The following PAX3 variants were observed in gnomAD, a reference collection of about 807,000 sequenced individuals.
PAX3 encodes paired box protein Pax-3.
Under a neutral mutation model 51.6 loss-of-function variants are expected in PAX3, and 14 were observed. That is an observed-to-expected ratio of 0.27 (90% CI 0.18 to 0.42). PAX3 has a LOEUF of 0.42. Among genes scored for constraint, PAX3 ranks in the 10% least tolerant of loss-of-function variants. The pLI is 1.00. For synonymous variants in PAX3, 280 were observed against 253.4 expected (o/e 1.11, Z -1.00); for missense variants, 540 against 642.8 (o/e 0.84, Z 1.73).
At chr2:222,298,140 G>T in intron 1 of PAX3, 1 of 245,286 alleles carries the variant, frequency 4.1e-6, no homozygotes, top group Non-Finnish European at 8.0e-6. Flanking sequence ...ACTAACATAT[G>T]TTTCACAAGT....
chr2:222,253,074 CAG>C (rs1442919679), intron 4 of PAX3, among the ~76,000 whole-genome samples: 1 of 152,150 alleles, frequency 6.6e-6, no homozygotes, highest in Non-Finnish European at 1.5e-5. Context: ...TGGCCACCAC[CAG>C]AGCAGCAAGC....
At chr2:222,242,811 C>T (rs1693066753) in intron 4 of PAX3, 2 of 152,118 alleles carry the variant, frequency 1.3e-5, no homozygotes, top group Non-Finnish European at 2.9e-5. Context: ...AAATCTAAAC[C>T]TTAGCTATAT....
intron 7 of PAX3, among the ~76,000 whole-genome samples, chr2:222,208,015 A>G (rs1042469798): frequency 2.0e-5 from 3 of 151,598 alleles, no homozygotes; most frequent in African/African-American, 4.8e-5. Flanking sequence ...ATATATATAT[A>G]TATATAACTT....
intron 7 of PAX3, among the ~76,000 whole-genome samples, chr2:222,212,913 C>T (rs984461836): frequency 6.6e-6 from 1 of 152,104 alleles, no homozygotes; most frequent in Admixed American, 6.6e-5. Context: ...ATCCTAGTTG[C>T]TTAGTTATAG....
intron 4 of PAX3, among the ~76,000 whole-genome samples, chr2:222,235,597 T>C (rs1384102113): frequency 2.1e-5 from 3 of 145,346 alleles, no homozygotes; most frequent in Admixed American, 7.0e-5. Flanking sequence ...AAAACTAGCA[T>C]AGCTAGTAAT....
In PAX3 at chr2:222,202,080, G is replaced by A; in HGVS notation, c.1284C>T (p.Ser428=). ...TCATATGGTCTAGTCTCTGACTGCAGCTGGCCGACACCGTGGTGGTAGGTT... is the reference window on the plus strand; with the variant it reads ...TCATATGGTCTAGTCTCTGACTGCAACTGGCCGACACCGTGGTGGTAGGTT... ...GLEPTTTVSA[S]CSQRLDHMKS... is the part of the protein sequence containing the mutation. Residue 428 remains serine (S), a synonymous_variant, in exon 8 of 9, where the codon AGC becomes AGT. Coordinates refer to ENST00000392070, the MANE Select transcript of PAX3 (RefSeq NM_181458.4). 1 of 1,614,060 alleles carries A rather than the reference G, an allele frequency of 6.2e-7. No homozygotes were observed. Among genetic ancestry groups the A allele is most frequent in the South Asian group, 1.1e-5 (1 of 91,078 alleles).
rs1395585771 is a variant in PAX3 at position 222,220,321 on chromosome 2, G to C, written c.992C>G (p.Pro331Arg). The C allele has an allele frequency of 1.9e-6, 3 of 1,613,946 alleles. No individual in the cohort carries two copies. The Admixed American group carries it at 5.0e-5, about 27-fold the overall frequency. The change falls in exon 7 of 9, where the codon CCT (proline) becomes CGT (arginine). Residue 331 changes from proline to arginine, a missense_variant. Pro to Arg is a moderately radical substitution (Grantham distance 103). This residue lies in a region of PAX3 where 427 missense variants were observed against 483.6 expected (regional missense o/e 0.88). Coordinates refer to ENST00000392070, the MANE Select transcript of PAX3 (RefSeq NM_181458.4). Reference sequence around the variant, plus strand: ...TACAGTGCTTGGAGGAAGCGGTTGAGGTCTGTGAACGGTGCTGCTGGGATC... The same window carrying C: ...TACAGTGCTTGGAGGAAGCGGTTGACGTCTGTGAACGGTGCTGCTGGGATC... ...VSDPSSTVHR[P>R]QPLPPSTVHQ...
Position 222,200,833 on chromosome 2 carries a change from G to A in PAX3, c.*575C>T. The A allele has an allele frequency of 2.7e-6, 1 of 371,562 alleles. No individual in the cohort carries two copies. Among genetic ancestry groups the A allele is most frequent in the East Asian group, 4.4e-5 (1 of 22,472 alleles). The allele number at this position is 371,562 out of a possible 1,614,324, so 23.0% of individuals were successfully genotyped here. On this transcript the variant is annotated 3_prime_UTR_variant, in exon 9 of 9. Coordinates refer to ENST00000392070, the MANE Select transcript of PAX3 (RefSeq NM_181458.4). ...TAGGAGGTCCTTTACAGCTAGTCTA[G>A]CTTCCTAAAAATGGTTGCATTTATC...
intron 2 of PAX3, 145 bp downstream of exon 2, chr2:222,296,833 C>T: frequency 1.4e-6 from 1 of 712,012 alleles, no homozygotes; most frequent in Admixed American, 2.0e-5. Flanking sequence ...CGTACACACA[C>T]ACACGCGCGC....
At chr2:222,263,078 A>C (rs1693925211) in intron 4 of PAX3, 1 of 152,230 alleles carries the variant, frequency 6.6e-6, no homozygotes, top group Non-Finnish European at 1.5e-5. Context: ...TGTGATGCTT[A>C]AAAGCACAAC....
At position 222,201,288 on chromosome 2, in the gene PAX3, C is replaced by A. The variant is rs1365134221; in HGVS notation, c.*120G>T. The A allele has an allele frequency of 1.2e-6, 2 of 1,610,484 alleles. No homozygotes were observed. Among genetic ancestry groups the A allele is most frequent in the Non-Finnish European group, 1.7e-6 (2 of 1,179,864 alleles). On this transcript the variant is annotated 3_prime_UTR_variant, in exon 9 of 9. Transcript: ENST00000392070. ...CACTCTCCTTTGTCTCCTATTGGGA[C>A]CACTGCCCCACCCCCCCCAACAAAA...
intron 4 of PAX3, among the ~76,000 whole-genome samples, chr2:222,244,587 C>G (rs937766289): frequency 3.9e-5 from 6 of 152,102 alleles, no homozygotes; most frequent in Admixed American, 3.9e-4. Flanking sequence ...ATGTTCCCTA[C>G]ATCCTAAGAC....
At chr2:222,235,530 T>A (rs1401749488) in intron 4 of PAX3, among the ~76,000 whole-genome samples, 1 of 152,196 alleles carries the variant, frequency 6.6e-6, no homozygotes, top group African/African-American at 2.4e-5. Flanking sequence ...TATACCTGCA[T>A]TGTTTGGAAG....
intron 7 of PAX3, among the ~76,000 whole-genome samples, chr2:222,204,068 T>G (rs931288968): frequency 1.3e-5 from 2 of 152,162 alleles, no homozygotes; most frequent in African/African-American, 4.8e-5. Flanking sequence ...TAAAACATCC[T>G]TTTTTACAAT....
intron 1 of PAX3, 67 bp from the exon 2 acceptor site, chr2:222,297,280 C>T: frequency 1.6e-6 from 2 of 1,242,768 alleles, no homozygotes; most frequent in Non-Finnish European, 2.3e-6. Flanking sequence ...CAAAGAACAG[C>T]AGCACGTAAT....
intron 4 of PAX3, among the ~76,000 whole-genome samples, chr2:222,272,298 C>T (rs994339707): frequency 8.5e-5 from 13 of 152,188 alleles, no homozygotes; most frequent in African/African-American, 2.9e-4. Context: ...TTCTCCCAAG[C>T]ACCAGCATGT....
intron 5 of PAX3, chr2:222,221,779 T>C (rs1010671963): frequency 6.6e-5 from 15 of 227,998 alleles, no homozygotes; most frequent in Non-Finnish European, 1.1e-4. Context: ...ATGTCCTAAA[T>C]GTGGCCTTGC....
At chr2:222,243,086 A>G (rs552768342) in intron 4 of PAX3, among the ~76,000 whole-genome samples, 2 of 152,228 alleles carry the variant, frequency 1.3e-5, no homozygotes, top group Non-Finnish European at 2.9e-5. Flanking sequence ...CGAAAGATAC[A>G]CAAAACCTAA....
intron 4 of PAX3, among the ~76,000 whole-genome samples, chr2:222,253,282 A>G (rs1693509081): frequency 6.6e-6 from 1 of 152,274 alleles, no homozygotes; most frequent in Non-Finnish European, 1.5e-5. Context: ...AGGGGTATCA[A>G]CAGACTTTGG....
Sources: gnomAD v4.1 joint callset for allele counts (sites outside exome capture counted in the v4.1 genomes callset) on GRCh38, gnomAD v4.1.1 for gene constraint, gnomAD v4.1.1 regional missense constraint, MANE v1.5 for transcripts, NCBI Gene and HGNC (gene_info 2026-07-23, HGNC 2026-07-21) for gene names.